PIK3R6: variants seen among roughly 807,000 people sequenced by gnomAD.
The protein encoded by PIK3R6 is phosphoinositide 3-kinase regulatory subunit 6.
PIK3R6 carries 91 observed loss-of-function variants against 84.9 expected under a neutral mutation model. That is an observed-to-expected ratio of 1.07 (90% CI 0.90 to 1.28). The LOEUF (loss-of-function observed/expected upper bound fraction) is 1.28. Among genes scored for constraint, PIK3R6 ranks in the 50% most tolerant of loss-of-function variants. The pLI, the probability that PIK3R6 is intolerant of heterozygous loss-of-function variation, is 0.00. For missense variants in PIK3R6, 996 were observed against 985.1 expected (o/e 1.01, Z -0.15); for synonymous variants, 416 against 411.4 (o/e 1.01, Z -0.13).
At chr17:8,820,591 A>G (rs1400930545) in intron 17 of PIK3R6, among the ~76,000 whole-genome samples, 2 of 152,176 alleles carry the variant, frequency 1.3e-5, no homozygotes, top group Non-Finnish European at 2.9e-5. Context: ...CGTCTCCTTC[A>G]TGGTGTTAAA....
chr17:8,806,301 C>T (rs2087205436), intron 18 of PIK3R6, among the ~76,000 whole-genome samples: 1 of 152,242 alleles, frequency 6.6e-6, no homozygotes, highest in African/African-American at 2.4e-5. Flanking sequence ...GGGGCCAGCT[C>T]TCTGACTCTC....
chr17:8,853,746 G>A (rs999584986), intron 1 of PIK3R6, among the ~76,000 whole-genome samples: 3 of 151,472 alleles, frequency 2.0e-5, no homozygotes, highest in Admixed American at 2.0e-4. Flanking sequence ...GGCAGGTCAC[G>A]AGGCCAGGAG....
intron 1 of PIK3R6, among the ~76,000 whole-genome samples, chr17:8,863,094 T>C (rs192960397): frequency 8.5e-5 from 13 of 152,156 alleles, no homozygotes; most frequent in African/African-American, 3.1e-4. Flanking sequence ...AAATCGTATA[T>C]GATAAGTGCT....
Position 8,821,842 on chromosome 17 carries a change from T to C in PIK3R6, c.1879+4A>G. ...TTCTTTGCTCTGCATTCCCCATTCCTCACCTTCTGTGTCGCTGGCTGGAAT... is the reference window on the plus strand; with the variant it reads ...TTCTTTGCTCTGCATTCCCCATTCCCCACCTTCTGTGTCGCTGGCTGGAAT... On this transcript the variant is annotated splice_donor_region_variant and intron_variant, in intron 17 of 19. Coordinates refer to ENST00000619866, the MANE Select transcript of PIK3R6 (RefSeq NM_001010855.4). 1.9e-6 allele frequency: 3 copies of C among 1,588,280 alleles called. No homozygotes were observed. Among genetic ancestry groups the C allele is most frequent in the Non-Finnish European group, 2.6e-6 (3 of 1,166,674 alleles).
At position 8,836,943 on chromosome 17, in the gene PIK3R6, G is replaced by GGGAGGTGAGAGGGAGGAGGT. The variant is rs767175094; in HGVS notation, c.259-40_259-21dup. The GGGAGGTGAGAGGGAGGAGGT allele has an allele frequency of 2.6e-6, 4 of 1,537,282 alleles. No individual in the cohort carries two copies. Among genetic ancestry groups the GGGAGGTGAGAGGGAGGAGGT allele is most frequent in the Admixed American group, 2.0e-5 (1 of 50,878 alleles). On this transcript the variant is annotated intron_variant, in intron 5 of 19. Transcript: ENST00000619866. ...TGTGGCCTGGGTGAGAGGGAGGAGG[G>GGGAGGTGAGAGGGAGGAGGT]GGAGGTGAGAGGGAGGAGGTGGAGG...
intron 18 of PIK3R6, among the ~76,000 whole-genome samples, chr17:8,815,531 G>A (rs576224682): frequency 1.3e-5 from 2 of 151,496 alleles, no homozygotes; most frequent in African/African-American, 2.4e-5. Context: ...GGTTGATCAC[G>A]TACCAGGCAA....
At chr17:8,831,452 T>G in intron 9 of PIK3R6, among the ~76,000 whole-genome samples, 1 of 147,772 alleles carries the variant, frequency 6.8e-6, no homozygotes, top group South Asian at 2.2e-4. Context: ...CACTGGTGAG[T>G]GTTAGCAAGG....
At position 8,844,332 on chromosome 17, in the gene PIK3R6, C is replaced by T. The variant is rs1392335995; in HGVS notation, c.14-4635G>A. ...ACCCTGAGCTTCTCACAAACTCCCA[C>T]GTAGGGGGAAGCACTCCAAGTGAAT... is the stretch of plus-strand genomic sequence containing the variant. On this transcript the variant is annotated intron_variant, in intron 2 of 19. Coordinates refer to ENST00000619866, the MANE Select transcript of PIK3R6 (RefSeq NM_001010855.4). The surrounding 1 kb of genome is among the most constrained non-coding windows in gnomAD (Gnocchi z 4.5). Among the ~76,000 whole-genome samples, 4 of 152,196 alleles carry T rather than the reference C, an allele frequency of 2.6e-5. No individual in the cohort carries two copies. The highest frequency in any genetic ancestry group is 4.4e-5 in the Non-Finnish European group (3 of 68,036).
intron 4 of PIK3R6, 110 bp from the exon 5 acceptor site, chr17:8,837,981 G>GT: frequency 1.1e-6 from 1 of 895,410 alleles, no homozygotes; most frequent in Non-Finnish European, 1.8e-6. Context: ...AAGGCAGCCA[G>GT]GGGGAGAGCA....
intron 10 of PIK3R6, 96 bp downstream of exon 10, chr17:8,829,608 ACT>A (rs1399826817): frequency 1.3e-5 from 16 of 1,249,056 alleles, no homozygotes; most frequent in East Asian, 1.0e-4. Context: ...GCATACACAC[ACT>A]GACACACGCA....
Position 8,862,451 on chromosome 17 carries a change from T to C in PIK3R6, c.-92+5078A>G, listed in dbSNP as rs747954006. ...ATGACACAGGAAACAGAGATTACTT[T>C]GATGCTCAGAATACTGCAAAGAAGA... On this transcript the variant is annotated intron_variant, in intron 1 of 19. Coordinates refer to ENST00000619866, the MANE Select transcript of PIK3R6 (RefSeq NM_001010855.4). This position sits in a 1 kb window ranked among gnomAD's most constrained non-coding sequence, Gnocchi z 4.3. 6.6e-5 allele frequency among the ~76,000 whole-genome samples: 10 copies of C among 152,170 alleles called. No individual in the cohort carries two copies. Among genetic ancestry groups the C allele is most frequent in the Non-Finnish European group, 1.0e-4 (7 of 68,032 alleles).
chr17:8,829,879 G>C, intron 9 of PIK3R6, 87 bp from the exon 10 acceptor site: 1 of 1,081,072 alleles, frequency 9.3e-7, no homozygotes, highest in Non-Finnish European at 1.3e-6. Flanking sequence ...TCCTGTGCGG[G>C]GTCTTAGAGA....
Position 8,836,927 on chromosome 17 carries a change from G to T in PIK3R6, c.259-4C>A. On this transcript the variant is annotated splice_polypyrimidine_tract_variant and splice_region_variant and intron_variant, in intron 5 of 19. Coordinates refer to ENST00000619866, the MANE Select transcript of PIK3R6 (RefSeq NM_001010855.4). ...GCTCTTCTGTGATTCCTGTGGCCTGGGTGAGAGGGAGGAGGGGGAGGTGAG... is the reference window on the plus strand; with the variant it reads ...GCTCTTCTGTGATTCCTGTGGCCTGTGTGAGAGGGAGGAGGGGGAGGTGAG... The T allele has an allele frequency of 6.4e-7, 1 of 1,550,566 alleles. No homozygotes were observed.
Position 8,835,260 on chromosome 17 carries a change from G to T in PIK3R6, c.645+13C>A. 1.3e-6 allele frequency: 2 copies of T among 1,516,118 alleles called. No individual in the cohort carries two copies. Among genetic ancestry groups the T allele is most frequent in the Non-Finnish European group, 1.8e-6 (2 of 1,121,802 alleles). The allele number at this position is 1,516,118 out of a possible 1,614,324, so 93.9% of individuals were successfully genotyped here. On this transcript the variant is annotated intron_variant, in intron 8 of 19. Transcript: ENST00000619866. Reference sequence around the variant, plus strand: ...GGCTGGGACTGACAAGGGGCTGCAGGCAGGGCCATTACCTGCAGCTTCCTG... The same window carrying T: ...GGCTGGGACTGACAAGGGGCTGCAGTCAGGGCCATTACCTGCAGCTTCCTG...
At chr17:8,822,776 G>T in intron 15 of PIK3R6, 119 bp from the exon 16 acceptor site, 1 of 1,149,030 alleles carries the variant, frequency 8.7e-7, no homozygotes. Context: ...CATCTCCCTG[G>T]ATGGAAAGGT....
At chr17:8,850,101 C>A (rs143116901) in intron 1 of PIK3R6, among the ~76,000 whole-genome samples, 1 of 151,974 alleles carries the variant, frequency 6.6e-6, no homozygotes, top group Non-Finnish European at 1.5e-5. Context: ...GTCAGGAGTT[C>A]GAGACCAGCC....
chr17:8,849,791 C>G lies in PIK3R6; in HGVS notation c.4G>C (p.Glu2Gln). 1.9e-6 allele frequency: 3 copies of G among 1,612,266 alleles called. No individual in the cohort carries two copies. Among genetic ancestry groups the G allele is most frequent in the Non-Finnish European group, 2.5e-6 (3 of 1,179,058 alleles). Residue 2 changes from glutamate to glutamine, a missense_variant, in exon 2 of 20, where the codon GAG (glutamate) becomes CAG (glutamine). Coordinates refer to ENST00000619866, the MANE Select transcript of PIK3R6 (RefSeq NM_001010855.4). ...CCCCCACCACACTGACCTGAGCTCT[C>G]CATGGGAGCCTTTGGGTGTAGGAGG... is the stretch of plus-strand genomic sequence containing the variant. M[E>Q]SSDVELDLQR... is the part of the protein sequence containing the mutation.
At chr17:8,826,146 G>A (rs551296916) in intron 13 of PIK3R6, among the ~76,000 whole-genome samples, 1 of 152,282 alleles carries the variant, frequency 6.6e-6, no homozygotes, top group East Asian at 1.9e-4. Flanking sequence ...GTAAAACGGG[G>A]CTATGGTGAC....
chr17:8,837,927 A>G (rs2088536048), intron 4 of PIK3R6, 56 bp from the exon 5 acceptor site: 1 of 1,488,004 alleles, frequency 6.7e-7, no homozygotes, highest in East Asian at 2.3e-5. Context: ...CCCACTTCAT[A>G]GCGGGAGGCA....
Sources: allele counts gnomAD v4.1 joint callset (sites outside exome capture counted in the v4.1 genomes callset), GRCh38; gene constraint gnomAD v4.1.1; non-coding constraint Gnocchi (gnomAD v3.1); transcripts MANE v1.5; gene names NCBI Gene and HGNC (gene_info 2026-07-23, HGNC 2026-07-21).